SEMA6D: variants seen among roughly 807,000 people sequenced by gnomAD.
The protein encoded by SEMA6D is semaphorin-6D.
Under a neutral mutation model 106.6 loss-of-function variants are expected in SEMA6D, and 35 were observed. That is an observed-to-expected ratio of 0.33 (90% CI 0.25 to 0.44). The LOEUF is 0.44. Ranked by LOEUF, SEMA6D falls within the 20% of genes least tolerant of loss-of-function variation. The pLI, the probability that SEMA6D is intolerant of heterozygous loss-of-function variation, is 1.00. For synonymous variants in SEMA6D, 499 were observed against 487.7 expected, an observed-to-expected ratio of 1.02 and a Z score of -0.31; for missense variants, 1,185 against 1,345.9, an observed-to-expected ratio of 0.88 and a Z score of 1.87.
chr15:47,651,033 C>A (rs756092242), intron 4 of SEMA6D, among the ~76,000 whole-genome samples: 13 of 152,178 alleles, frequency 8.5e-5, no homozygotes, highest in African/African-American at 1.2e-4. Context: ...TCATAATTTT[C>A]AGACAGAGCT....
At chr15:47,320,108 A>G (rs1160456922) in intron 1 of SEMA6D, among the ~76,000 whole-genome samples, 1 of 152,140 alleles carries the variant, frequency 6.6e-6, no homozygotes, top group Non-Finnish European at 1.5e-5. Flanking sequence ...ACAGAGTGGT[A>G]TCTTTCAAGC....
intron 3 of SEMA6D, among the ~76,000 whole-genome samples, chr15:47,491,314 A>G (rs2043467985): frequency 6.6e-6 from 1 of 152,222 alleles, no homozygotes; most frequent in African/African-American, 2.4e-5. Flanking sequence ...GTGGAATATT[A>G]TACAGCAATG....
At chr15:47,210,160 A>G (rs969397413) in intron 1 of SEMA6D, among the ~76,000 whole-genome samples, 1 of 152,206 alleles carries the variant, frequency 6.6e-6, no homozygotes, top group Admixed American at 6.5e-5. Context: ...TTCTTAAAAT[A>G]AAGGGACTTT....
At chr15:47,350,518 C>T (rs2038279586) in intron 1 of SEMA6D, among the ~76,000 whole-genome samples, 1 of 152,138 alleles carries the variant, frequency 6.6e-6, no homozygotes, top group Non-Finnish European at 1.5e-5. Context: ...TCAGTCATTT[C>T]TCTGTCCCTT....
intron 3 of SEMA6D, among the ~76,000 whole-genome samples, chr15:47,540,597 T>A (rs1428655043): frequency 6.6e-6 from 1 of 152,138 alleles, no homozygotes; most frequent in African/African-American, 2.4e-5. Flanking sequence ...GCGTGGATGG[T>A]GTCCTAATTG....
chr15:47,296,770 T>C (rs1162919258), intron 1 of SEMA6D, among the ~76,000 whole-genome samples: 1 of 152,178 alleles, frequency 6.6e-6, no homozygotes, highest in Admixed American at 6.5e-5. Flanking sequence ...GGTTACCAAA[T>C]ATAATTTAGG....
intron 3 of SEMA6D, among the ~76,000 whole-genome samples, chr15:47,599,051 C>A (rs2076592091): frequency 6.6e-6 from 1 of 152,054 alleles, no homozygotes; most frequent in Admixed American, 6.6e-5. Flanking sequence ...AAAAGCTTAT[C>A]GATGAGCATT....
At chr15:47,574,279 G>A (rs1185283526) in intron 3 of SEMA6D, among the ~76,000 whole-genome samples, 1 of 152,180 alleles carries the variant, frequency 6.6e-6, no homozygotes, top group Non-Finnish European at 1.5e-5. Flanking sequence ...TTGCAGGCTG[G>A]TCTGAGACTT....
chr15:47,421,544 G>T (rs1483078232), intron 2 of SEMA6D, among the ~76,000 whole-genome samples: 1 of 151,994 alleles, frequency 6.6e-6, no homozygotes, highest in Non-Finnish European at 1.5e-5. Context: ...CTTTGTTTTT[G>T]ATGCTTCCTG....
intron 4 of SEMA6D, among the ~76,000 whole-genome samples, chr15:47,693,227 T>C (rs1256387495): frequency 6.6e-6 from 1 of 151,880 alleles, no homozygotes; most frequent in African/African-American, 2.4e-5. Flanking sequence ...TGAAGAGACA[T>C]AGGGAGGAGA....
At chr15:47,360,282 T>C (rs2038754482) in intron 1 of SEMA6D, among the ~76,000 whole-genome samples, 1 of 152,208 alleles carries the variant, frequency 6.6e-6, no homozygotes. Context: ...CATTCTTCAG[T>C]TCCCCCCCAG....
chr15:47,663,599 A>G (rs2077969079), intron 4 of SEMA6D, among the ~76,000 whole-genome samples: 1 of 152,174 alleles, frequency 6.6e-6, no homozygotes, highest in Non-Finnish European at 1.5e-5. Context: ...TTAGAACTAG[A>G]GGGGAGTATA....
At chr15:47,645,514 C>G (rs1253318153) in intron 4 of SEMA6D, among the ~76,000 whole-genome samples, 1 of 148,634 alleles carries the variant, frequency 6.7e-6, no homozygotes, top group Non-Finnish European at 1.5e-5. Context: ...TTTTTTTTTT[C>G]TTCTTCTTCT....
At position 47,230,371 on chromosome 15, in the gene SEMA6D, G is replaced by C. The variant is rs74436387; in HGVS notation, c.-239+45953G>C. On this transcript the variant is annotated intron_variant, in intron 1 of 19. Transcript: ENST00000558014. ...GCTAGATTTCCATGGTTACATATAA[G>C]AATAATTAGCATGTAGAATTCAAAC... Among the ~76,000 whole-genome samples the C allele has an allele frequency of 4.1e-3, 619 of 152,038 alleles. 45 individuals are homozygous for C. In the East Asian group the frequency reaches 0.1, roughly 26 times the overall value.
rs1164718505 is a variant in SEMA6D, at chr15:47,353,971, TA to T, written c.-238-58415del. 1.3e-5 allele frequency among the ~76,000 whole-genome samples: 2 copies of T among 152,090 alleles called. 1 individual carries two copies. The highest frequency in any genetic ancestry group is 4.2e-4 in the South Asian group (2 of 4,816). The stretch of plus-strand genomic sequence containing the variant: ...TCAAGATTTTGAAAGATATGTTTCC[TA>T]AAAAAACAGAACTCAAAATATTATT... On this transcript the variant is annotated intron_variant, in intron 1 of 19. Transcript: ENST00000558014.
In SEMA6D at chr15:47,318,837, C is replaced by T. The variant is rs1031147086; in HGVS notation, c.-238-93556C>T. Among the ~76,000 whole-genome samples, 8 of 149,058 alleles carry T rather than the reference C, an allele frequency of 5.4e-5. 1 individual carries two copies. The South Asian group carries it at 8.9e-4, about 17-fold the overall frequency. On this transcript the variant is annotated intron_variant, in intron 1 of 19. Transcript: ENST00000558014. ...TTCTAGTTCTAGATCCCTGAGGAAT[C>T]GCCACACTGACTTCCACAATGGTTG...
At chr15:47,398,521 A>AT (rs556677198) in intron 1 of SEMA6D, among the ~76,000 whole-genome samples, 277 of 152,010 alleles carry the variant, frequency 1.8e-3, no homozygotes, top group African/African-American at 6.6e-3. Flanking sequence ...TTTTGTGGGC[A>AT]TTTTTTTTAA....
intron 1 of SEMA6D, among the ~76,000 whole-genome samples, chr15:47,257,545 C>A (rs555262985): frequency 6.6e-6 from 1 of 152,062 alleles, no homozygotes; most frequent in East Asian, 1.9e-4. Context: ...TTTCTTTGAA[C>A]TATAGATTAT....
intron 4 of SEMA6D, among the ~76,000 whole-genome samples, chr15:47,629,403 A>T (rs1417839123): frequency 6.6e-6 from 1 of 151,986 alleles, no homozygotes; most frequent in African/African-American, 2.4e-5. Context: ...CTTCCAATTC[A>T]TGAACATGGT....
Sources: gnomAD v4.1 joint callset for allele counts (sites outside exome capture counted in the v4.1 genomes callset) on GRCh38, gnomAD v4.1.1 for gene constraint, MANE v1.5 for transcripts, NCBI Gene and HGNC (gene_info 2026-07-23, HGNC 2026-07-21) for gene names.